Variants in SFMBT1 observed in about 807,000 individuals in gnomAD.
SFMBT1 encodes the protein Scm like with four mbt domains 1.
SFMBT1 carries 32 observed loss-of-function variants against 108.7 expected under a neutral mutation model. The ratio of observed to expected loss-of-function variants is 0.29; its 90% confidence interval spans 0.22 to 0.40. The LOEUF is 0.40. Among genes scored for constraint, SFMBT1 ranks in the 10% least tolerant of loss-of-function variants. The pLI, the probability that SFMBT1 is intolerant of heterozygous loss-of-function variation, is 1.00. For synonymous variants in SFMBT1, 348 were observed against 369.5 expected (o/e 0.94, Z 0.67); for missense variants, 816 against 1,059.6 (o/e 0.77, Z 3.19).
At chr3:53,044,160 A>G (rs1240464447) in intron 1 of SFMBT1, among the ~76,000 whole-genome samples, 1 of 151,570 alleles carries the variant, frequency 6.6e-6, no homozygotes, top group Non-Finnish European at 1.5e-5. Flanking sequence ...TCTAGCTACC[A>G]AGATGTTTTT....
chr3:53,011,744 C>G (rs1698952608), intron 1 of SFMBT1, among the ~76,000 whole-genome samples: 1 of 152,178 alleles, frequency 6.6e-6, no homozygotes, highest in Non-Finnish European at 1.5e-5. Context: ...TTAAGAAGAA[C>G]TGAGGTTTGG....
intron 14 of SFMBT1, among the ~76,000 whole-genome samples, chr3:52,914,145 C>CT (rs558821927): frequency 2.0e-5 from 3 of 149,764 alleles, no homozygotes; most frequent in Non-Finnish European, 3.0e-5. Context: ...GACCACATCT[C>CT]TAAGTTTTTT....
In SFMBT1 at chr3:52,951,418, CT is replaced by C. The variant is rs1169590358; in HGVS notation, c.123+2898del. On this transcript the variant is annotated intron_variant, in intron 3 of 20. Transcript: ENST00000394752. ...CTTGCAAGAAATATTAAAAGAAATTCTTTTTTTTTTTTTTTGAGATGGCATT... is the reference window on the plus strand; with the variant it reads ...CTTGCAAGAAATATTAAAAGAAATTCTTTTTTTTTTTTTTGAGATGGCATT... Among the ~76,000 whole-genome samples the C allele has an allele frequency of 5.5e-3, 784 of 141,488 alleles. 4 individuals carry two copies. Among genetic ancestry groups the C allele is most frequent in the African/African-American group, 0.012 (449 of 38,674 alleles). 92.8% of individuals were successfully genotyped at this position (141,488 alleles called of 152,430 possible). A position where few individuals can be genotyped will look rare whatever the true frequency, so the allele number is the denominator to read the frequency against.
At position 53,001,718 on chromosome 3, in the gene SFMBT1, G is replaced by A. The variant is rs1177393915; in HGVS notation, c.-130-32460C>T. On this transcript the variant is annotated intron_variant, in intron 1 of 20. Transcript: ENST00000394752. ...AGCCCAGGAGTTTGAGACCAGCCTG[G>A]ACAACATAGGGAAATGGGAGATCCT... 2.0e-5 allele frequency among the ~76,000 whole-genome samples: 3 copies of A among 147,316 alleles called. No individual in the cohort carries two copies. The East Asian group carries it at 5.9e-4, about 29-fold the overall frequency.
chr3:53,042,891 T>C (rs1700101695), intron 1 of SFMBT1, among the ~76,000 whole-genome samples: 1 of 152,286 alleles, frequency 6.6e-6, no homozygotes, highest in Non-Finnish European at 1.5e-5. Context: ...CTGTGAATCT[T>C]GGGTGGAGTG....
In SFMBT1 at chr3:53,043,112, C is replaced by CT. The variant is rs1700108273; in HGVS notation, c.-131+2703dup. 5.9e-5 allele frequency: 9 copies of CT among 152,296 alleles called. 1 individual carries two copies. The South Asian group carries it at 1.7e-3, about 28-fold the overall frequency. 9.4% of individuals were successfully genotyped at this position (152,296 alleles called of 1,614,324 possible). On this transcript the variant is annotated intron_variant, in intron 1 of 20. Transcript: ENST00000394752. ...AAAAAACACAAGCCTTTGTTAGGAA[C>CT]TAACAAAATAAGAATTCACTTACAA...
intron 1 of SFMBT1, among the ~76,000 whole-genome samples, chr3:53,005,942 T>A (rs1428197606): frequency 6.6e-6 from 1 of 152,076 alleles, no homozygotes; most frequent in African/African-American, 2.4e-5. Flanking sequence ...AAGGGCACTC[T>A]GGGTGGGGCA....
rs1416480062 is a variant in SFMBT1, at chr3:52,951,090, T to C, written c.123+3227A>G. 4.2e-5 allele frequency among the ~76,000 whole-genome samples: 5 copies of C among 117,966 alleles called. No individual in the cohort carries two copies. The South Asian group carries it at 1.5e-3, about 36-fold the overall frequency. The allele number at this position is 117,966 out of a possible 152,430, so 77.4% of individuals were successfully genotyped here. The stretch of plus-strand genomic sequence containing the variant: ...AGGATCACACCACTGCACTCCAGTC[T>C]GGGCAACAGAGCAAGACTCTTATCT... On this transcript the variant is annotated intron_variant, in intron 3 of 20. Coordinates refer to ENST00000394752, the MANE Select transcript of SFMBT1 (RefSeq NM_016329.4).
At chr3:52,990,855 C>G (rs1399706611) in intron 1 of SFMBT1, among the ~76,000 whole-genome samples, 1 of 152,176 alleles carries the variant, frequency 6.6e-6, no homozygotes, top group African/African-American at 2.4e-5. Context: ...GGGGTGATGT[C>G]AACCTTGCAA....
At chr3:53,031,444 A>G (rs1369240398) in intron 1 of SFMBT1, among the ~76,000 whole-genome samples, 54 of 152,242 alleles carry the variant, frequency 3.5e-4, no homozygotes, top group Admixed American at 3.5e-3. Context: ...AAAAAAAGTT[A>G]TAACATGATC....
At chr3:52,986,438 A>G (rs1037541841) in intron 1 of SFMBT1, among the ~76,000 whole-genome samples, 1 of 152,162 alleles carries the variant, frequency 6.6e-6, no homozygotes, top group African/African-American at 2.4e-5. Flanking sequence ...GTAATAACAC[A>G]TAGCTTAAAA....
At chr3:52,941,776 T>C (rs1273095942) in intron 4 of SFMBT1, among the ~76,000 whole-genome samples, 1 of 151,562 alleles carries the variant, frequency 6.6e-6, no homozygotes, top group Non-Finnish European at 1.5e-5. Flanking sequence ...CACACACCTG[T>C]AGACCCAGCT....
At chr3:53,012,888 A>G (rs62255892) in intron 1 of SFMBT1, among the ~76,000 whole-genome samples, 4,273 of 151,754 alleles carry the variant, frequency 0.028, 117 homozygotes, top group Non-Finnish European at 0.049. Flanking sequence ...CTATAAATAT[A>G]ACAAATTAAC....
intron 1 of SFMBT1, among the ~76,000 whole-genome samples, chr3:53,037,040 C>T (rs1179793869): frequency 1.3e-5 from 2 of 152,168 alleles, no homozygotes; most frequent in African/African-American, 4.8e-5. Flanking sequence ...TGTAGAGAAC[C>T]CAACATTTCA....
chr3:52,967,305 G>A (rs1421969396), intron 2 of SFMBT1, among the ~76,000 whole-genome samples: 2 of 151,972 alleles, frequency 1.3e-5, no homozygotes, highest in Non-Finnish European at 2.9e-5. Flanking sequence ...AATTATACAG[G>A]CATGTTGAAA....
rs781621064 is a variant in SFMBT1, at chr3:52,907,628, C to T, written c.2012G>A (p.Arg671Gln). ...CTTCTTATGAACAAAAACATTTTTC[C>T]GCCTCTTTCTCCTCTTACTGGCTTT... is the stretch of plus-strand genomic sequence containing the variant. ...LKKASKRRKR[R>Q]KNVFVHKKKR... is the part of the protein sequence containing the mutation. Residue 671 changes from arginine to glutamine, a missense_variant, in exon 18 of 21, where the codon CGG becomes CAG. Coordinates refer to ENST00000394752, the MANE Select transcript of SFMBT1 (RefSeq NM_016329.4). The T allele has an allele frequency of 8.7e-6, 14 of 1,614,124 alleles. No homozygotes were observed. Among genetic ancestry groups the T allele is most frequent in the East Asian group, 4.5e-5 (2 of 44,880 alleles).
chr3:52,976,847 T>C (rs1704536082), intron 1 of SFMBT1, among the ~76,000 whole-genome samples: 1 of 152,178 alleles, frequency 6.6e-6, no homozygotes, highest in Admixed American at 6.5e-5. Flanking sequence ...TGAAAACATA[T>C]TCAACCTCAA....
At chr3:53,008,581 C>T (rs1199855766) in intron 1 of SFMBT1, among the ~76,000 whole-genome samples, 2 of 151,260 alleles carry the variant, frequency 1.3e-5, no homozygotes, top group Non-Finnish European at 2.9e-5. Flanking sequence ...TGTAGTAACA[C>T]TGACTTCAAG....
At position 52,943,495 on chromosome 3, in the gene SFMBT1, A is replaced by G. The variant is rs2106815378; in HGVS notation, c.222T>C (p.Thr74=). Residue 74 remains threonine (T), a synonymous_variant, in exon 4 of 21, where the codon ACT becomes ACC. Coordinates refer to ENST00000394752, the MANE Select transcript of SFMBT1 (RefSeq NM_016329.4). ...GGAGAAGGAGCAACTGCTCACAGGT[A>G]GTGATAACGGTGGCAACCCAGTAGG... is the stretch of plus-strand genomic sequence containing the variant. ...PETYWVATVI[T]TCEQLLLLRY... The G allele has an allele frequency of 6.2e-7, 1 of 1,614,184 alleles. No individual in the cohort carries two copies. Among genetic ancestry groups the G allele is most frequent in the Non-Finnish European group, 8.5e-7 (1 of 1,180,008 alleles).
Sources: gnomAD v4.1 joint callset for allele counts (sites outside exome capture counted in the v4.1 genomes callset) on GRCh38, gnomAD v4.1.1 for gene constraint, MANE v1.5 for transcripts, NCBI Gene and HGNC (gene_info 2026-07-23, HGNC 2026-07-21) for gene names.